The following NEB variants were observed in gnomAD, a reference collection of about 807,000 sequenced individuals.
NEB encodes the protein nebulin.
In NEB, 512 loss-of-function variants were observed where a neutral mutation model predicts 952.2. The observed-to-expected ratio is 0.54, with a 90% CI of 0.50 to 0.58. NEB has a LOEUF of 0.58. Among genes scored for constraint, NEB ranks in the 20% least tolerant of loss-of-function variants. NEB has a pLI of 0.00. For synonymous variants in NEB, 2,900 were observed against 3,149.8 expected, an observed-to-expected ratio of 0.92 and a Z score of 2.66; for missense variants, 8,428 against 9,231.1, an observed-to-expected ratio of 0.91 and a Z score of 3.56.
Position 151,545,375 on chromosome 2 carries a change from A to C in NEB, c.20577+513T>G, listed in dbSNP as rs374682217. Among the ~76,000 whole-genome samples the C allele has an allele frequency of 7.4e-4, 113 of 152,258 alleles. 1 individual carries two copies. In the East Asian group the frequency reaches 0.02, roughly 28 times the overall value. ...CGGATCACCTGAGGTTGGGAGTTCG[A>C]GACCAGCCTGGCCAACATGGAGAAA... On this transcript the variant is annotated intron_variant, in intron 135 of 181. Transcript: ENST00000397345.
chr2:151,501,137 C>T (rs2064151378), intron 168 of NEB, among the ~76,000 whole-genome samples: 1 of 152,012 alleles, frequency 6.6e-6, no homozygotes, highest in South Asian at 2.1e-4. Flanking sequence ...AATCAATTAA[C>T]TTCAACAGTC....
At chr2:151,615,288 C>T (rs2098154934) in intron 76 of NEB, among the ~76,000 whole-genome samples, 1 of 152,130 alleles carries the variant, frequency 6.6e-6, no homozygotes, top group South Asian at 2.1e-4. Context: ...TTTTAGTTTA[C>T]AGAAGAAATG....
At chr2:151,514,757 T>C (rs2076685791) in intron 158 of NEB, 61 bp downstream of exon 158, 6 of 1,176,374 alleles carry the variant, frequency 5.1e-6, no homozygotes, top group Non-Finnish European at 6.1e-6. Flanking sequence ...AACACATTAA[T>C]GAGTGTCACT....
intron 161 of NEB, among the ~76,000 whole-genome samples, chr2:151,511,541 C>T (rs7558940): frequency 6.6e-6 from 1 of 151,966 alleles, no homozygotes; most frequent in Non-Finnish European, 1.5e-5. Context: ...GTTGGACCAG[C>T]GAATCTACAT....
chr2:151,688,232 T>G (rs1242839245), intron 25 of NEB, 60 bp downstream of exon 25: 5 of 1,329,094 alleles, frequency 3.8e-6, no homozygotes, highest in Non-Finnish European at 5.3e-6. Context: ...CTTTTAAAAT[T>G]TAAAACATTT....
chr2:151,723,518 A>C, intron 8 of NEB, 32 bp from the exon 9 acceptor site: 1 of 1,469,776 alleles, frequency 6.8e-7, no homozygotes, highest in Non-Finnish European at 9.4e-7. Flanking sequence ...AGTTAGGAGG[A>C]AGTAGGGTCA....
chr2:151,639,863 C>A lies in NEB; in HGVS notation c.8883G>T (p.Met2961Ile), dbSNP rs2098826064. 1 of 1,612,644 alleles carries A rather than the reference C, an allele frequency of 6.2e-7. No homozygotes were observed. Among genetic ancestry groups the A allele is most frequent in the South Asian group, 1.1e-5 (1 of 90,922 alleles). ...QVLAKNNAIT[M>I]NKRLYTEAWD... ...CTTAATTTTGAAGTCTCACCTTGTT[C>A]ATAGTGATGGCATTATTTTTGGCCA... The change falls in exon 62 of 182, where the codon ATG (methionine) becomes ATT (isoleucine). Residue 2961 changes from methionine (M) to isoleucine (I), a missense_variant. Coordinates refer to ENST00000397345, the MANE Select transcript of NEB (RefSeq NM_001164508.2).
intron 63 of NEB, among the ~76,000 whole-genome samples, chr2:151,638,817 G>C (rs1468069603): frequency 1.3e-5 from 2 of 151,786 alleles, no homozygotes; most frequent in African/African-American, 4.8e-5. Flanking sequence ...CTGTGTGTGT[G>C]TGTGTGTGTG....
At chr2:151,717,348 C>T in intron 10 of NEB, 68 bp downstream of exon 10, 1 of 1,089,684 alleles carries the variant, frequency 9.2e-7, no homozygotes, top group Middle Eastern at 2.0e-4. Flanking sequence ...TTTAGTAACC[C>T]TCTCTGATGG....
chr2:151,675,249 A>G, intron 35 of NEB, 38 bp downstream of exon 35: 1 of 1,366,606 alleles, frequency 7.3e-7, no homozygotes, highest in Non-Finnish European at 1.0e-6. Context: ...TTTTATTGTC[A>G]GGTCCGAATT....
intron 23 of NEB, among the ~76,000 whole-genome samples, chr2:151,691,593 T>C (rs543126725): frequency 9.2e-5 from 14 of 152,336 alleles, no homozygotes; most frequent in East Asian, 3.9e-4. Context: ...AATGAACACT[T>C]ATCTTAAATC....
rs2059723901 is a variant in NEB at position 151,495,700 on chromosome 2, GGTA to G, written c.24486+573_24486+575del. 7.3e-5 allele frequency among the ~76,000 whole-genome samples: 11 copies of G among 151,528 alleles called. No individual in the cohort carries two copies. In the South Asian group the frequency reaches 2.3e-3, roughly 32 times the overall value. On this transcript the variant is annotated intron_variant, in intron 173 of 181. Transcript: ENST00000397345. ...CAACAACAAACAAAAAACGAAAACT[GGTA>G]AAACAAAAAGCCATTCTGGTGACAC...
At position 151,709,742 on chromosome 2, in the gene NEB, C is replaced by A; in HGVS notation, c.949G>T (p.Glu317Ter). Residue 317 changes from glutamate to a stop codon, truncating the protein, a stop_gained, in exon 12 of 182, where the codon GAA becomes TAA. Coordinates refer to ENST00000397345, the MANE Select transcript of NEB (RefSeq NM_001164508.2). LOFTEE classifies it high-confidence loss of function. Reference protein sequence around the residue: ...ISTRKYQEDFENMKDQIYFMQ... With the variant: ...ISTRKYQEDF ...AAGTAGATCTGGTCTTTCATGTTTTCAAAATCTTCCTGGTATTTCCTCTGT... is the reference window on the plus strand; with the variant it reads ...AAGTAGATCTGGTCTTTCATGTTTTAAAAATCTTCCTGGTATTTCCTCTGT... The A allele has an allele frequency of 6.2e-7, 1 of 1,601,426 alleles. No individual in the cohort carries two copies. Among genetic ancestry groups the A allele is most frequent in the South Asian group, 1.1e-5 (1 of 88,736 alleles).
At chr2:151,505,979 G>T in intron 164 of NEB, 187 bp downstream of exon 164, 1 of 613,520 alleles carries the variant, frequency 1.6e-6, no homozygotes, top group Non-Finnish European at 2.9e-6. Flanking sequence ...TCTCCCTCAT[G>T]AAAACCGCCA....
chr2:151,607,004 T>G (rs1235173469), intron 83 of NEB, among the ~76,000 whole-genome samples: 1 of 90,802 alleles, frequency 1.1e-5, no homozygotes, highest in African/African-American at 2.8e-5. Flanking sequence ...AACCTAAGGA[T>G]CAATGGGGAA....
rs1307899374 is a variant in NEB, at chr2:151,531,885, C to T, written c.21429G>A (p.Arg7143=). Residue 7143 remains arginine (R), a synonymous_variant, in exon 144 of 182, where the codon AGG becomes AGA. Coordinates refer to ENST00000397345, the MANE Select transcript of NEB (RefSeq NM_001164508.2). ...NSHMWSQIKY[R]KNYEKSKDKF... ...TGTCCTTTGATTTTTCATAGTTTTT[C>T]CTGTATTTGATCTAAATTGTGGAAG... 6.4e-7 allele frequency: 1 copy of T among 1,570,484 alleles called. No homozygotes were observed. The highest frequency in any genetic ancestry group is 1.1e-5 in the South Asian group (1 of 88,576).
chr2:151,717,597 G>T, intron 9 of NEB, 77 bp from the exon 10 acceptor site: 1 of 1,055,342 alleles, frequency 9.5e-7, no homozygotes, highest in South Asian at 1.4e-5. Flanking sequence ...AAATTTTAGT[G>T]TAACATGTTA....
chr2:151,645,239 GT>G (rs1350810463), intron 55 of NEB, among the ~76,000 whole-genome samples: 7 of 152,164 alleles, frequency 4.6e-5, no homozygotes, highest in Non-Finnish European at 8.8e-5. Context: ...TTCATTAGAA[GT>G]TTTTGTTAGA....
rs534531948 is a variant in NEB at position 151,666,286 on chromosome 2, C to A, written c.4835G>T (p.Arg1612Leu). 3.7e-6 allele frequency: 6 copies of A among 1,613,784 alleles called. No individual in the cohort carries two copies. The highest frequency in any genetic ancestry group is 3.3e-5 in the Admixed American group (2 of 59,982). The change falls in exon 41 of 182, where the codon CGT becomes CTT. Residue 1612 changes from arginine (R) to leucine (L), a missense_variant. By Grantham distance (102) the Arg-to-Leu change is moderately radical (BLOSUM62 -2). Around this residue, in one of 11 missense-constraint regions of NEB, gnomAD observed 2,851 missense variants for 2,791.5 expected, o/e 1.02. Coordinates refer to ENST00000397345, the MANE Select transcript of NEB (RefSeq NM_001164508.2). The stretch of plus-strand genomic sequence containing the variant: ...GGCTTCATAGCCCTTTTTGTACTCA[C>A]GATCAGACTGGATTTTGGCCACATT... ...YMNVAKIQSD[R>L]EYKKGYEASK...
Sources: gnomAD v4.1 joint callset for allele counts (sites outside exome capture counted in the v4.1 genomes callset) on GRCh38, gnomAD v4.1.1 for gene constraint, gnomAD v4.1.1 regional missense constraint, MANE v1.5 for transcripts, NCBI Gene and HGNC (gene_info 2026-07-23, HGNC 2026-07-21) for gene names.